The following SNTG1 variants were observed in gnomAD, a reference collection of about 807,000 sequenced individuals.
SNTG1 encodes gamma-1-syntrophin.
SNTG1 carries 39 observed loss-of-function variants against 74.7 expected under a neutral mutation model. That is an observed-to-expected ratio of 0.52 (90% CI 0.40 to 0.68). The LOEUF (loss-of-function observed/expected upper bound fraction) is 0.68. Ranked by LOEUF, SNTG1 falls within the 30% of genes least tolerant of loss-of-function variation. SNTG1 has a pLI of 0.00. For missense variants in SNTG1, 685 were observed against 609.5 expected, an observed-to-expected ratio of 1.12 and a Z score of -1.30; for synonymous variants, 254 against 217.1, an observed-to-expected ratio of 1.17 and a Z score of -1.49.
At chr8:50,414,067 T>C (rs2092984966) in intron 4 of SNTG1, among the ~76,000 whole-genome samples, 2 of 152,226 alleles carry the variant, frequency 1.3e-5, no homozygotes, top group South Asian at 4.1e-4. Context: ...CTCTGTTATC[T>C]GTTCTTTGTT....
intron 1 of SNTG1, among the ~76,000 whole-genome samples, chr8:49,916,847 G>GA (rs200307382): frequency 0.021 from 3,066 of 145,668 alleles, 61 homozygotes; most frequent in African/African-American, 0.048. Context: ...TTCTTCAATA[G>GA]AAAAAAAAAA....
chr8:50,563,452 G>A (rs1181988764), intron 12 of SNTG1, among the ~76,000 whole-genome samples: 2 of 152,164 alleles, frequency 1.3e-5, no homozygotes, highest in African/African-American at 4.8e-5. Flanking sequence ...GTAGGGAAAA[G>A]TTGCTGTGGT....
chr8:50,029,585 A>T (rs1248261245), intron 1 of SNTG1, among the ~76,000 whole-genome samples: 2 of 152,126 alleles, frequency 1.3e-5, no homozygotes, highest in Non-Finnish European at 2.9e-5. Context: ...GCTCCCACAT[A>T]TGAGTGAGAA....
chr8:50,451,260 G>A (rs758805907), intron 8 of SNTG1, among the ~76,000 whole-genome samples: 37 of 152,300 alleles, frequency 2.4e-4, no homozygotes, highest in Admixed American at 6.5e-4. Flanking sequence ...GATATTGCAA[G>A]TATCTAAAGA....
chr8:50,571,127 C>T (rs143797959), intron 12 of SNTG1, among the ~76,000 whole-genome samples: 142 of 152,266 alleles, frequency 9.3e-4, no homozygotes, highest in African/African-American at 3.3e-3. Flanking sequence ...CCCCTCTTTG[C>T]TTTGCTTGTC....
intron 15 of SNTG1, among the ~76,000 whole-genome samples, chr8:50,688,573 G>A (rs1040172582): frequency 1.7e-4 from 26 of 152,240 alleles, no homozygotes; most frequent in African/African-American, 6.0e-4. Context: ...TTGTAGATAT[G>A]CGGCATTATT....
At chr8:50,033,715 G>T (rs1385480243) in intron 1 of SNTG1, among the ~76,000 whole-genome samples, 1 of 151,884 alleles carries the variant, frequency 6.6e-6, no homozygotes, top group Non-Finnish European at 1.5e-5. Context: ...TCTTATTATT[G>T]TAAGAACGCC....
At chr8:50,529,273 C>A (rs1234142616) in intron 9 of SNTG1, among the ~76,000 whole-genome samples, 1 of 151,774 alleles carries the variant, frequency 6.6e-6, no homozygotes, top group Non-Finnish European at 1.5e-5. Flanking sequence ...AAAATTATAT[C>A]CAGATCAGTA....
intron 10 of SNTG1, among the ~76,000 whole-genome samples, chr8:50,534,377 G>C (rs972686468): frequency 1.1e-4 from 17 of 152,086 alleles, no homozygotes; most frequent in African/African-American, 3.9e-4. Flanking sequence ...CAATCCCTGT[G>C]GACATCTCTG....
intron 1 of SNTG1, among the ~76,000 whole-genome samples, chr8:50,149,475 G>A (rs2081988150): frequency 6.6e-6 from 1 of 152,190 alleles, no homozygotes; most frequent in African/African-American, 2.4e-5. Flanking sequence ...CCATGCCTAT[G>A]TCCTGAATAG....
intron 15 of SNTG1, among the ~76,000 whole-genome samples, chr8:50,680,203 C>T (rs2095325466): frequency 6.6e-6 from 1 of 152,132 alleles, no homozygotes; most frequent in African/African-American, 2.4e-5. Flanking sequence ...GTGCAGATAG[C>T]TTCTTCAAAA....
At position 50,297,658 on chromosome 8, in the gene SNTG1, C is replaced by A. The variant is rs548327997; in HGVS notation, c.-27-96554C>A. 8.5e-5 allele frequency among the ~76,000 whole-genome samples: 13 copies of A among 152,236 alleles called. 1 individual carries two copies. The highest frequency in any genetic ancestry group is 3.1e-4 in the African/African-American group (13 of 41,548). ...CGCTGGAGAAAAGGAGTGTTCACATCCTGGGCAGAACAGTTGGAGATTTTG... is the reference window on the plus strand; with the variant it reads ...CGCTGGAGAAAAGGAGTGTTCACATACTGGGCAGAACAGTTGGAGATTTTG... On this transcript the variant is annotated intron_variant, in intron 2 of 18. Transcript: ENST00000642720.
At chr8:50,002,212 A>T (rs988848428) in intron 1 of SNTG1, among the ~76,000 whole-genome samples, 4 of 152,224 alleles carry the variant, frequency 2.6e-5, no homozygotes, top group African/African-American at 7.2e-5. Context: ...TAAAAGGCCC[A>T]ACTCCAAATG....
At chr8:50,278,755 A>G (rs1563836031) in intron 2 of SNTG1, among the ~76,000 whole-genome samples, 1 of 152,136 alleles carries the variant, frequency 6.6e-6, no homozygotes, top group East Asian at 1.9e-4. Flanking sequence ...AAGTACAGTT[A>G]CATATCTAAA....
At chr8:50,402,766 G>A (rs560374129) in intron 4 of SNTG1, among the ~76,000 whole-genome samples, 4 of 152,244 alleles carry the variant, frequency 2.6e-5, no homozygotes, top group East Asian at 1.9e-4. Flanking sequence ...GTTAGGCAGC[G>A]GTCACTGAAC....
At position 50,495,933 on chromosome 8, in the gene SNTG1, A is replaced by G. The variant is rs1317112740; in HGVS notation, c.364-6845A>G. ...ACCGTTTCAACCAAAGCTGTCACCC[A>G]GTAGTTCCTGTAAAAAGCCAAGTTC... is the stretch of plus-strand genomic sequence containing the variant. On this transcript the variant is annotated intron_variant, in intron 8 of 18. Transcript: ENST00000642720. 1.3e-5 allele frequency among the ~76,000 whole-genome samples: 2 copies of G among 152,184 alleles called. 1 individual carries two copies. Among genetic ancestry groups the G allele is most frequent in the Non-Finnish European group, 2.9e-5 (2 of 68,022 alleles).
chr8:50,236,402 A>C (rs1179726718), intron 2 of SNTG1, among the ~76,000 whole-genome samples: 1 of 152,018 alleles, frequency 6.6e-6, no homozygotes, highest in African/African-American at 2.4e-5. Context: ...TTTAAATTTT[A>C]CAGGTGATAA....
intron 1 of SNTG1, among the ~76,000 whole-genome samples, chr8:50,041,963 T>C (rs1003489645): frequency 6.6e-6 from 1 of 152,222 alleles, no homozygotes; most frequent in Non-Finnish European, 1.5e-5. Flanking sequence ...TTGTCTTATA[T>C]AGATGTTCCT....
intron 1 of SNTG1, among the ~76,000 whole-genome samples, chr8:49,948,030 C>T (rs914108052): frequency 6.6e-6 from 1 of 151,976 alleles, no homozygotes; most frequent in African/African-American, 2.4e-5. Flanking sequence ...ACTCAGGAAA[C>T]TGAGGCAGGA....
Sources: allele counts gnomAD v4.1 joint callset (sites outside exome capture counted in the v4.1 genomes callset), GRCh38; gene constraint gnomAD v4.1.1; transcripts MANE v1.5; gene names NCBI Gene and HGNC (gene_info 2026-07-23, HGNC 2026-07-21).